TTC28: variants seen among roughly 807,000 people sequenced by gnomAD.
The protein encoded by TTC28 is tetratricopeptide repeat domain 28.
A neutral mutation model predicts 198.0 loss-of-function variants in TTC28; 61 were observed. The ratio of observed to expected loss-of-function variants is 0.31; its 90% CI spans 0.25 to 0.38. The LOEUF is 0.38. Among genes scored for constraint, TTC28 ranks in the 10% least tolerant of loss-of-function variants. The pLI, the probability that TTC28 is intolerant of heterozygous loss-of-function variation, is 1.00. For synonymous variants in TTC28, 1,171 were observed against 1,297.8 expected (o/e 0.90, Z 2.10); for missense variants, 2,678 against 3,164.0 (o/e 0.85, Z 3.69).
chr22:28,001,505 G>C lies in TTC28; in HGVS notation c.4267C>G (p.Leu1423Val). The change falls in exon 15 of 23, where the codon CTG (leucine) becomes GTG (valine). Residue 1423 changes from leucine to valine, a missense_variant. Leu to Val is a conservative substitution (Grantham distance 32, BLOSUM62 1). This residue lies in a region of TTC28 where 727 missense variants were observed against 861.9 expected (regional missense o/e 0.84). Coordinates refer to ENST00000397906, the MANE Select transcript of TTC28 (RefSeq NM_001145418.2). ...GPVGRHRQLI[L>V]VLEGELYLIP... ...AGGTAGAGCTCCCCCTCCAGAACCA[G>C]GATGAGCTGCCGGTGCCGGCCCACG... The C allele has an allele frequency of 6.4e-7, 1 of 1,551,444 alleles. No homozygotes were observed. Among genetic ancestry groups the C allele is most frequent in the East Asian group, 2.4e-5 (1 of 40,914 alleles).
chr22:28,050,319 G>A (rs1156935850), intron 12 of TTC28, among the ~76,000 whole-genome samples: 1 of 152,160 alleles, frequency 6.6e-6, no homozygotes, highest in African/African-American at 2.4e-5. Flanking sequence ...GTTCACAGAG[G>A]CATTTCCATT....
chr22:28,404,294 A>G (rs1372977818), intron 2 of TTC28, among the ~76,000 whole-genome samples: 1 of 151,772 alleles, frequency 6.6e-6, no homozygotes, highest in Admixed American at 6.6e-5. Flanking sequence ...TAATTTTTGT[A>G]TTTTTAATAG....
chr22:27,985,103 A>G (rs1017314423), intron 22 of TTC28, 146 bp downstream of exon 22: 1 of 588,364 alleles, frequency 1.7e-6, no homozygotes. Context: ...CTGCTCCTGA[A>G]TAGTCCCTAA....
chr22:28,467,119 A>C (rs1183657239), intron 2 of TTC28, among the ~76,000 whole-genome samples: 1 of 152,196 alleles, frequency 6.6e-6, no homozygotes, highest in Non-Finnish European at 1.5e-5. Context: ...GAATGCTTTC[A>C]TTTGTTAAAT....
At chr22:28,046,600 C>T (rs1280333329) in intron 12 of TTC28, among the ~76,000 whole-genome samples, 2 of 152,086 alleles carry the variant, frequency 1.3e-5, no homozygotes, top group Admixed American at 6.5e-5. Context: ...AAGTAAAAGC[C>T]CCTCTCTCCT....
intron 2 of TTC28, among the ~76,000 whole-genome samples, chr22:28,615,646 G>T (rs561663226): frequency 1.3e-5 from 2 of 152,166 alleles, no homozygotes; most frequent in South Asian, 4.2e-4. Flanking sequence ...TCCTTTGCAG[G>T]GACATGGATG....
chr22:28,618,136 G>C (rs1171368742), intron 2 of TTC28, among the ~76,000 whole-genome samples: 2 of 152,012 alleles, frequency 1.3e-5, no homozygotes, highest in Non-Finnish European at 2.9e-5. Context: ...TTAGCCAGGC[G>C]TGGTGGTGGG....
chr22:28,006,191 T>G (rs1315985855), intron 14 of TTC28, among the ~76,000 whole-genome samples: 2 of 151,996 alleles, frequency 1.3e-5, no homozygotes, highest in Non-Finnish European at 2.9e-5. Context: ...GAAAAACCAG[T>G]AGGGTTGGGG....
chr22:28,566,225 T>C (rs1407928318), intron 2 of TTC28, among the ~76,000 whole-genome samples: 3 of 152,196 alleles, frequency 2.0e-5, no homozygotes, highest in African/African-American at 7.2e-5. Context: ...AGAAGCTTTG[T>C]AGAGCACATA....
intron 5 of TTC28, among the ~76,000 whole-genome samples, chr22:28,278,285 A>G (rs2044511212): frequency 6.6e-6 from 1 of 152,208 alleles, no homozygotes; most frequent in Non-Finnish European, 1.5e-5. Context: ...TGTACACAAA[A>G]ATGAGAAATC....
chr22:28,033,203 G>T (rs992670366), intron 12 of TTC28, among the ~76,000 whole-genome samples: 1 of 152,148 alleles, frequency 6.6e-6, no homozygotes, highest in Non-Finnish European at 1.5e-5. Flanking sequence ...GCTTAATGGG[G>T]TTGTTTCCTA....
chr22:28,677,158 GAAAAA>G (rs35292146), intron 1 of TTC28, among the ~76,000 whole-genome samples: 21 of 45,072 alleles, frequency 4.7e-4, no homozygotes, highest in South Asian at 7.9e-4. Flanking sequence ...TCCATCTCAG[GAAAAA>G]AAAAAAAAAA....
intron 2 of TTC28, among the ~76,000 whole-genome samples, chr22:28,593,426 C>A (rs1276933409): frequency 1.3e-5 from 2 of 151,978 alleles, no homozygotes; most frequent in African/African-American, 2.4e-5. Flanking sequence ...TCTTAGCAAC[C>A]AGATAGACAG....
At chr22:28,475,312 T>C (rs2048149431) in intron 2 of TTC28, among the ~76,000 whole-genome samples, 1 of 152,090 alleles carries the variant, frequency 6.6e-6, no homozygotes, top group Non-Finnish European at 1.5e-5. Flanking sequence ...CTGGACAGGA[T>C]GCCCTCCCAT....
At chr22:28,200,988 G>T (rs745552518) in intron 5 of TTC28, among the ~76,000 whole-genome samples, 2 of 152,054 alleles carry the variant, frequency 1.3e-5, no homozygotes, top group Non-Finnish European at 2.9e-5. Context: ...ATTTATAAAG[G>T]AAAAATAGTA....
intron 1 of TTC28, among the ~76,000 whole-genome samples, chr22:28,671,584 G>A (rs1313620978): frequency 6.9e-6 from 1 of 144,570 alleles, no homozygotes; most frequent in African/African-American, 2.6e-5. Flanking sequence ...GCAATGAGCC[G>A]AGATCGCACC....
intron 5 of TTC28, among the ~76,000 whole-genome samples, chr22:28,192,703 G>C (rs1173750902): frequency 6.6e-6 from 1 of 152,066 alleles, no homozygotes; most frequent in Non-Finnish European, 1.5e-5. Flanking sequence ...TGATGGAAGA[G>C]CGAATGAATG....
At chr22:28,543,959 G>A (rs1170641033) in intron 2 of TTC28, among the ~76,000 whole-genome samples, 1 of 152,136 alleles carries the variant, frequency 6.6e-6, no homozygotes, top group South Asian at 2.1e-4. Flanking sequence ...GGTGGCTCAC[G>A]CCTGTAATCC....
chr22:28,123,357 G>A (rs1229870450), intron 6 of TTC28, among the ~76,000 whole-genome samples: 1 of 152,108 alleles, frequency 6.6e-6, no homozygotes, highest in African/African-American at 2.4e-5. Flanking sequence ...CCGGGTTCAA[G>A]TGATTCTCCT....
Sources: allele counts gnomAD v4.1 joint callset (sites outside exome capture counted in the v4.1 genomes callset), GRCh38; gene constraint gnomAD v4.1.1; regional missense constraint gnomAD v4.1.1; transcripts MANE v1.5; gene names NCBI Gene and HGNC (gene_info 2026-07-23, HGNC 2026-07-21).